The following ST3GAL4 variants were observed in gnomAD, a reference collection of about 807,000 sequenced individuals.
ST3GAL4 encodes CMP-N-acetylneuraminate-beta-galactosamide-alpha-2,3-sialyltransferase 4.
ST3GAL4 carries 24 observed loss-of-function variants against 42.6 expected under a neutral mutation model. The ratio of observed to expected loss-of-function variants is 0.56; its 90% CI spans 0.41 to 0.79. The LOEUF is 0.79. Ranked by LOEUF, ST3GAL4 falls within the 30% of genes least tolerant of loss-of-function variation. ST3GAL4 has a pLI of 0.00. For synonymous variants in ST3GAL4, 135 were observed against 163.2 expected, an observed-to-expected ratio of 0.83 and a Z score of 1.32; for missense variants, 311 against 430.8, an observed-to-expected ratio of 0.72 and a Z score of 2.46.
intron 1 of ST3GAL4, among the ~76,000 whole-genome samples, chr11:126,404,667 A>G (rs949412328): frequency 2.0e-5 from 3 of 152,194 alleles, no homozygotes; most frequent in Non-Finnish European, 4.4e-5. Flanking sequence ...ACTCCTGCTG[A>G]TTACAAACTG....
Position 126,370,044 on chromosome 11 carries a change from G to A in ST3GAL4, c.-61+14202G>A, listed in dbSNP as rs141155088. ...GTGTGTGCCTAATTTTTTAAAACAG[G>A]TGCCTGTGCATAGATTTCATGTTTC... On this transcript the variant is annotated intron_variant, in intron 1 of 10. Coordinates refer to ENST00000444328, the MANE Select transcript of ST3GAL4 (RefSeq NM_001254757.2). Among the ~76,000 whole-genome samples the A allele has an allele frequency of 3.5e-3, 526 of 152,320 alleles. 3 individuals are homozygous for A. The highest frequency in any genetic ancestry group is 0.012 in the African/African-American group (504 of 41,566).
chr11:126,403,399 G>A, intron 1 of ST3GAL4: 1 of 985,476 alleles, frequency 1.0e-6, no homozygotes, highest in Non-Finnish European at 1.2e-6. Context: ...AGCCCTGGAG[G>A]ATACCTGTGT....
In ST3GAL4 at chr11:126,413,850, G is replaced by A. The variant is rs1346264727; in HGVS notation, c.916-111G>A. On this transcript the variant is annotated intron_variant, in intron 10 of 10. Transcript: ENST00000444328. ...GTCTTCCTTCCAAGAGCCAGCCTGG[G>A]GAAGGGAGCTCCCAAGAAGTGTGGG... is the stretch of plus-strand genomic sequence containing the variant. 3.5e-6 allele frequency: 5 copies of A among 1,436,154 alleles called. No individual in the cohort carries two copies. In the South Asian group the frequency reaches 3.7e-5, roughly 10 times the overall value. 89.0% of individuals were successfully genotyped at this position (1,436,154 alleles called of 1,614,324 possible).
chr11:126,390,056 G>A (rs915501209), intron 1 of ST3GAL4, among the ~76,000 whole-genome samples: 2 of 150,858 alleles, frequency 1.3e-5, no homozygotes, highest in East Asian at 1.9e-4. Flanking sequence ...GGTGGGGGGC[G>A]CCTGTAGTCC....
intron 1 of ST3GAL4, among the ~76,000 whole-genome samples, chr11:126,387,452 C>A (rs1257173234): frequency 6.6e-6 from 1 of 151,962 alleles, no homozygotes; most frequent in Non-Finnish European, 1.5e-5. Flanking sequence ...CAGAGGCAGG[C>A]GTGTCAGTTG....
At chr11:126,380,888 T>G (rs1952973565) in intron 1 of ST3GAL4, among the ~76,000 whole-genome samples, 1 of 152,140 alleles carries the variant, frequency 6.6e-6, no homozygotes, top group South Asian at 2.1e-4. Context: ...GTAGGGAGAT[T>G]TTTACTCAGA....
rs76695838 is a variant in ST3GAL4 at position 126,409,428 on chromosome 11, A to G, written c.771+17A>G. The G allele has an allele frequency of 4.3e-6, 7 of 1,614,172 alleles. No homozygotes were observed. The East Asian group carries it at 1.6e-4, about 36-fold the overall frequency. ...ATTAAGCAGGTGATGATGGGAAGTC[A>G]GGCCTGAGGGCTAGGATCCTGGGCG... On this transcript the variant is annotated intron_variant, in intron 9 of 10. Transcript: ENST00000444328. The surrounding 1 kb of genome is among the most constrained non-coding windows in gnomAD (Gnocchi z 4.9).
At position 126,384,921 on chromosome 11, in the gene ST3GAL4, A is replaced by T. The variant is rs1953163784; in HGVS notation, c.-60-21175A>T. 2.0e-6 allele frequency: 2 copies of T among 985,210 alleles called. No individual in the cohort carries two copies. The highest frequency in any genetic ancestry group is 2.4e-6 in the Non-Finnish European group (2 of 829,834). 61.0% of individuals were successfully genotyped at this position (985,210 alleles called of 1,614,324 possible). On this transcript the variant is annotated intron_variant, in intron 1 of 10. Transcript: ENST00000444328. The surrounding 1 kb of genome is among the most constrained non-coding windows in gnomAD (Gnocchi z 5.5). ...CTTTGCTGGGCTGGGACAGAGCTTGAATGGAGAGGGGCCGCCTTGTGCCTG... is the reference window on the plus strand; with the variant it reads ...CTTTGCTGGGCTGGGACAGAGCTTGTATGGAGAGGGGCCGCCTTGTGCCTG...
intron 1 of ST3GAL4, among the ~76,000 whole-genome samples, chr11:126,367,249 C>A (rs536344793): frequency 6.6e-6 from 1 of 152,314 alleles, no homozygotes; most frequent in Non-Finnish European, 1.5e-5. Flanking sequence ...CCTCCTCCCC[C>A]TCCCCTTCTG....
At chr11:126,361,060 CCA>C (rs1952225749) in intron 1 of ST3GAL4, among the ~76,000 whole-genome samples, 1 of 152,206 alleles carries the variant, frequency 6.6e-6, no homozygotes, top group South Asian at 2.1e-4. Context: ...ATTCCACCCA[CCA>C]CAGGGTCGGC....
intron 1 of ST3GAL4, among the ~76,000 whole-genome samples, chr11:126,382,833 A>AC (rs888222795): frequency 5.3e-5 from 8 of 151,192 alleles, no homozygotes; most frequent in Non-Finnish European, 8.8e-5. Context: ...CCCTCTCATC[A>AC]CCCCCCCAGT....
chr11:126,369,267 G>T (rs1952549847), intron 1 of ST3GAL4, among the ~76,000 whole-genome samples: 1 of 151,582 alleles, frequency 6.6e-6, no homozygotes, highest in Non-Finnish European at 1.5e-5. Flanking sequence ...GGGGGGGGGA[G>T]GCAGAGTTTT....
Position 126,414,243 on chromosome 11 carries a change from T to TG in ST3GAL4, c.*201dup. On this transcript the variant is annotated 3_prime_UTR_variant, in exon 11 of 11. Coordinates refer to ENST00000444328, the MANE Select transcript of ST3GAL4 (RefSeq NM_001254757.2). ...TTATGGAGCCGAGATCCAGTCAGGG[T>TG]GGGGGCGCTGGAGCCGTGGGAGCCC... 1.6e-6 allele frequency: 1 copy of TG among 606,386 alleles called. No individual in the cohort carries two copies. The highest frequency in any genetic ancestry group is 2.9e-6 in the Non-Finnish European group (1 of 342,414). 37.6% of individuals were successfully genotyped at this position (606,386 alleles called of 1,614,324 possible). A position where few individuals can be genotyped will look rare whatever the true frequency, so the allele number is the denominator to read the frequency against.
chr11:126,369,749 G>A (rs1952571960), intron 1 of ST3GAL4, among the ~76,000 whole-genome samples: 1 of 151,996 alleles, frequency 6.6e-6, no homozygotes, highest in African/African-American at 2.4e-5. Flanking sequence ...TCATCAGTTT[G>A]AAACAGTTAA....
At position 126,366,452 on chromosome 11, in the gene ST3GAL4, A is replaced by G. The variant is rs566008914; in HGVS notation, c.-61+10610A>G. ...TTCCCGGGTGTCTGAGTAGGGACCA[A>G]TGTGTTTGTGCTGGAGAAGCCTGTG... On this transcript the variant is annotated intron_variant, in intron 1 of 10. Transcript: ENST00000444328. The surrounding 1 kb of genome is among the most constrained non-coding windows in gnomAD (Gnocchi z 4.2). Among the ~76,000 whole-genome samples the G allele has an allele frequency of 6.6e-6, 1 of 151,826 alleles. No individual in the cohort carries two copies. The highest frequency in any genetic ancestry group is 1.9e-4 in the East Asian group (1 of 5,170).
rs1333628675 is a variant in ST3GAL4, at chr11:126,397,990, C to T, written c.-60-8106C>T. Reference sequence around the variant, plus strand: ...ATGAACTTTGAGGGACACATTCAAACCATAGCATTCTGCCCCAGTCCCCAA... The same window carrying T: ...ATGAACTTTGAGGGACACATTCAAATCATAGCATTCTGCCCCAGTCCCCAA... On this transcript the variant is annotated intron_variant, in intron 1 of 10. Transcript: ENST00000444328. The surrounding 1 kb of genome is among the most constrained non-coding windows in gnomAD (Gnocchi z 5.0). 6.6e-6 allele frequency among the ~76,000 whole-genome samples: 1 copy of T among 152,342 alleles called. No individual in the cohort carries two copies. The highest frequency in any genetic ancestry group is 6.5e-5 in the Admixed American group (1 of 15,298).
chr11:126,380,793 C>T (rs1206508324), intron 1 of ST3GAL4, among the ~76,000 whole-genome samples: 1 of 152,226 alleles, frequency 6.6e-6, no homozygotes, highest in Non-Finnish European at 1.5e-5. Context: ...CCGCATGGAG[C>T]TTCCCTGACT....
chr11:126,395,190 G>A (rs555027313), intron 1 of ST3GAL4, among the ~76,000 whole-genome samples: 68 of 152,344 alleles, frequency 4.5e-4, no homozygotes, highest in Non-Finnish European at 9.3e-4. Flanking sequence ...AATGCCATCT[G>A]ATGAACAGAT....
At chr11:126,402,091 A>AGGGGGGG (rs146212978) in intron 1 of ST3GAL4, among the ~76,000 whole-genome samples, 13 of 131,736 alleles carry the variant, frequency 9.9e-5, no homozygotes, top group Admixed American at 3.2e-4. Flanking sequence ...ATTTGGGGGA[A>AGGGGGGG]AGAGGGGAGG....
Sources: allele counts gnomAD v4.1 joint callset (sites outside exome capture counted in the v4.1 genomes callset), GRCh38; gene constraint gnomAD v4.1.1; non-coding constraint Gnocchi (gnomAD v3.1); transcripts MANE v1.5; gene names NCBI Gene and HGNC (gene_info 2026-07-23, HGNC 2026-07-21).